Variants in NAV3 observed in about 807,000 individuals in gnomAD.
The protein encoded by NAV3 is pore membrane and/or filament interacting like protein 1.
A neutral mutation model predicts 244.7 loss-of-function variants in NAV3; 87 were observed. The ratio of observed to expected loss-of-function variants is 0.36; its 90% confidence interval spans 0.30 to 0.42. The LOEUF (loss-of-function observed/expected upper bound fraction) is 0.42. Among genes scored for constraint, NAV3 ranks in the 20% least tolerant of loss-of-function variants. The pLI, the probability that NAV3 is intolerant of heterozygous loss-of-function variation, is 1.00. For missense variants in NAV3, 2,663 were observed against 2,893.3 expected (o/e 0.92, Z 1.83); for synonymous variants, 1,126 against 1,042.2 (o/e 1.08, Z -1.55).
At chr12:77,783,838 T>G (rs1870783272) in intron 2 of NAV3, among the ~76,000 whole-genome samples, 1 of 152,128 alleles carries the variant, frequency 6.6e-6, no homozygotes, top group Non-Finnish European at 1.5e-5. Flanking sequence ...GGAGAGATGA[T>G]TCAGAGAGGC....
chr12:78,034,831 A>G (rs1442994454), intron 9 of NAV3, among the ~76,000 whole-genome samples: 3 of 152,230 alleles, frequency 2.0e-5, no homozygotes, highest in Non-Finnish European at 4.4e-5. Flanking sequence ...TCCAAAAAAT[A>G]CTTTACAAAA....
intron 12 of NAV3, among the ~76,000 whole-genome samples, chr12:78,085,868 T>C (rs557414150): frequency 9.9e-5 from 15 of 152,090 alleles, no homozygotes; most frequent in Admixed American, 3.9e-4. Context: ...AAATGCATCT[T>C]GATAATAATG....
At chr12:77,723,119 CAG>C (rs1876713064) in intron 2 of NAV3, among the ~76,000 whole-genome samples, 1 of 151,804 alleles carries the variant, frequency 6.6e-6, no homozygotes, top group South Asian at 2.1e-4. Context: ...TGTCTCTATT[CAG>C]AGAGACAGAG....
intron 3 of NAV3, among the ~76,000 whole-genome samples, chr12:77,961,452 ATATG>A (rs1275230910): frequency 1.7e-5 from 2 of 118,840 alleles, no homozygotes; most frequent in Non-Finnish European, 3.3e-5. Context: ...TACATGTAAT[ATATG>A]TATATATACA....
intron 2 of NAV3, among the ~76,000 whole-genome samples, chr12:77,714,394 C>A: frequency 6.6e-6 from 1 of 151,964 alleles, no homozygotes; most frequent in East Asian, 1.9e-4. Context: ...TGTGCTGAGC[C>A]CTGTACAGAA....
At chr12:77,750,512 C>T (rs1242352744) in intron 2 of NAV3, among the ~76,000 whole-genome samples, 1 of 151,380 alleles carries the variant, frequency 6.6e-6, no homozygotes, top group Non-Finnish European at 1.5e-5. Flanking sequence ...CATTGCACTC[C>T]AACCTGAGCA....
intron 9 of NAV3, among the ~76,000 whole-genome samples, chr12:78,024,987 G>GA (rs34552517): frequency 0.55 from 82,438 of 149,114 alleles, 22,944 homozygotes; most frequent in African/African-American, 0.6. Context: ...GAAAAAGGGG[G>GA]AAAAAAAAAG....
chr12:78,108,371 C>T (rs937680901), intron 12 of NAV3, among the ~76,000 whole-genome samples: 1 of 152,114 alleles, frequency 6.6e-6, no homozygotes, highest in Admixed American at 6.5e-5. Context: ...AACTTCAACA[C>T]TCCACTTTCA....
At chr12:78,197,993 A>G (rs1469840979) in intron 35 of NAV3, among the ~76,000 whole-genome samples, 1 of 151,876 alleles carries the variant, frequency 6.6e-6, no homozygotes, top group African/African-American at 2.4e-5. Flanking sequence ...TATGATTTTT[A>G]ACTATTTACA....
At chr12:77,775,422 T>C (rs1399855327) in intron 2 of NAV3, among the ~76,000 whole-genome samples, 1 of 151,788 alleles carries the variant, frequency 6.6e-6, no homozygotes, top group African/African-American at 2.4e-5. Context: ...AAGTGTGTCA[T>C]TTTTTGGCTC....
chr12:77,854,000 G>A (rs528839496), intron 1 of NAV3, among the ~76,000 whole-genome samples: 3 of 152,276 alleles, frequency 2.0e-5, no homozygotes, highest in South Asian at 2.1e-4. Context: ...GTTAGCAGGT[G>A]TACATTTTTA....
At chr12:77,993,216 A>G (rs1054760230) in intron 5 of NAV3, among the ~76,000 whole-genome samples, 2 of 152,162 alleles carry the variant, frequency 1.3e-5, no homozygotes, top group African/African-American at 4.8e-5. Flanking sequence ...CTAAAAGAAA[A>G]TATATTGTTT....
chr12:77,996,297 G>A (rs1010266651), intron 6 of NAV3, among the ~76,000 whole-genome samples: 2 of 152,128 alleles, frequency 1.3e-5, no homozygotes, highest in Admixed American at 1.3e-4. Context: ...TCAACAGAGT[G>A]CAATCACTGG....
In NAV3 at chr12:78,210,289, A is replaced by G. The variant is rs540387249; in HGVS notation, c.7039-109A>G. 8 of 1,492,062 alleles carry G rather than the reference A, an allele frequency of 5.4e-6. No homozygotes were observed. In the South Asian group the frequency reaches 7.8e-5, roughly 14 times the overall value. The allele number at this position is 1,492,062 out of a possible 1,614,324, so 92.4% of individuals were successfully genotyped here. ...AAATCTAAAATTATTTTCCCCTGTT[A>G]CTTGGATGGGATAAGATAGCTCTTC... On this transcript the variant is annotated intron_variant, in intron 39 of 39. Transcript: ENST00000397909.
intron 2 of NAV3, among the ~76,000 whole-genome samples, chr12:77,792,420 G>A (rs1024413537): frequency 6.6e-6 from 1 of 152,194 alleles, no homozygotes; most frequent in African/African-American, 2.4e-5. Context: ...GGCATTGGAT[G>A]TCAGTCATGG....
intron 16 of NAV3, among the ~76,000 whole-genome samples, chr12:78,125,534 G>T (rs1199665806): frequency 6.6e-6 from 1 of 152,034 alleles, no homozygotes; most frequent in African/African-American, 2.4e-5. Flanking sequence ...AACCAACTTT[G>T]CAAATTCTGG....
intron 2 of NAV3, among the ~76,000 whole-genome samples, chr12:77,754,409 G>A (rs1037656286): frequency 1.4e-4 from 22 of 152,090 alleles, no homozygotes; most frequent in African/African-American, 5.3e-4. Flanking sequence ...ACAAGCTATG[G>A]CTATTACCAT....
chr12:77,642,411 G>T (rs558019399), intron 2 of NAV3, among the ~76,000 whole-genome samples: 3 of 152,194 alleles, frequency 2.0e-5, no homozygotes, highest in African/African-American at 7.2e-5. Context: ...TTTAAAGGGA[G>T]AATGCAGATG....
At chr12:77,704,123 A>G (rs992195527) in intron 2 of NAV3, among the ~76,000 whole-genome samples, 2 of 152,174 alleles carry the variant, frequency 1.3e-5, no homozygotes, top group African/African-American at 4.8e-5. Flanking sequence ...TGAGGAGCCT[A>G]AGGCCTTTTC....
Sources: gnomAD v4.1 joint callset for allele counts (sites outside exome capture counted in the v4.1 genomes callset) on GRCh38, gnomAD v4.1.1 for gene constraint, MANE v1.5 for transcripts, NCBI Gene and HGNC (gene_info 2026-07-23, HGNC 2026-07-21) for gene names.